Variants in CDCA7L observed in about 807,000 individuals in gnomAD.
The protein encoded by CDCA7L is cell division cycle-associated 7-like protein.
Under a neutral mutation model 57.4 loss-of-function variants are expected in CDCA7L, and 44 were observed. The observed-to-expected ratio is 0.77, with a 90% CI of 0.60 to 0.98. The LOEUF is 0.98. Ranked by LOEUF, CDCA7L falls within the 50% of genes least tolerant of loss-of-function variation. The probability of loss-of-function intolerance (pLI) is 0.00; values close to 1 mark genes in which losing one functional copy is unlikely to be tolerated. For synonymous variants in CDCA7L, 236 were observed against 202.8 expected (o/e 1.16, Z -1.39); for missense variants, 644 against 580.6 (o/e 1.11, Z -1.12).
At chr7:21,934,585 T>C (rs1312517313) in intron 1 of CDCA7L, among the ~76,000 whole-genome samples, 1 of 152,164 alleles carries the variant, frequency 6.6e-6, no homozygotes, top group Non-Finnish European at 1.5e-5. Context: ...GTAATTACTT[T>C]AAATTTAAAT....
In CDCA7L at chr7:21,902,064, T is replaced by C. The variant is rs1164943827; in HGVS notation, c.*258A>G. Reference sequence around the variant, plus strand: ...CCCACCCCATTTAAACTGTGCTTTTTAATAACTGGCAGATATTTTTAACAA... The same window carrying C: ...CCCACCCCATTTAAACTGTGCTTTTCAATAACTGGCAGATATTTTTAACAA... On this transcript the variant is annotated 3_prime_UTR_variant, in exon 10 of 10. Coordinates refer to ENST00000406877, the MANE Select transcript of CDCA7L (RefSeq NM_018719.5). 5 of 490,496 alleles carry C rather than the reference T, an allele frequency of 1.0e-5. No individual in the cohort carries two copies. The highest frequency in any genetic ancestry group is 1.8e-5 in the Non-Finnish European group (5 of 272,840). The allele number at this position is 490,496 out of a possible 1,614,324, so 30.4% of individuals were successfully genotyped here.
At chr7:21,908,584 G>T in intron 3 of CDCA7L, 77 bp from the exon 4 acceptor site, 1 of 1,357,752 alleles carries the variant, frequency 7.4e-7, no homozygotes, top group Non-Finnish European at 9.7e-7. Flanking sequence ...TAAAACAACT[G>T]ACAGCATTAT....
At chr7:21,903,200 G>A (rs1784997347) in intron 8 of CDCA7L, 86 bp from the exon 9 acceptor site, 1 of 1,338,852 alleles carries the variant, frequency 7.5e-7, no homozygotes, top group Admixed American at 2.0e-5. Context: ...TGGCTCAGCT[G>A]GCCTCTCCTC....
chr7:21,933,964 T>C (rs571529067), intron 1 of CDCA7L, among the ~76,000 whole-genome samples: 3 of 147,146 alleles, frequency 2.0e-5, no homozygotes, highest in Non-Finnish European at 4.5e-5. Flanking sequence ...CCTTCAAAAA[T>C]GAGATAAAAA....
chr7:21,935,303 G>C (rs1397345339), intron 1 of CDCA7L, among the ~76,000 whole-genome samples: 2 of 152,078 alleles, frequency 1.3e-5, no homozygotes, highest in Non-Finnish European at 2.9e-5. Flanking sequence ...GGTCAAAGAA[G>C]ACATCACAAG....
intron 1 of CDCA7L, among the ~76,000 whole-genome samples, chr7:21,935,603 A>AC (rs1786137344): frequency 6.6e-6 from 1 of 151,988 alleles, no homozygotes; most frequent in Non-Finnish European, 1.5e-5. Context: ...TCTTTGAAAA[A>AC]AAAAATCAAC....
chr7:21,928,752 G>GA (rs1562633202), intron 1 of CDCA7L, among the ~76,000 whole-genome samples: 2 of 151,472 alleles, frequency 1.3e-5, no homozygotes. Flanking sequence ...GAAGATTAGA[G>GA]AAAAAAAGAG....
At chr7:21,916,919 G>T (rs1208389218) in intron 1 of CDCA7L, 25 bp from the exon 2 acceptor site, 6 of 1,613,390 alleles carry the variant, frequency 3.7e-6, no homozygotes, top group Non-Finnish European at 4.2e-6. Context: ...AAAGAGGCAG[G>T]ATTAAACCAG....
Position 21,903,724 on chromosome 7 carries a change from G to C in CDCA7L, c.1197+386C>G, listed in dbSNP as rs528759154. 3.7e-5 allele frequency: 6 copies of C among 161,286 alleles called. No homozygotes were observed. The South Asian group carries it at 1.1e-3, about 29-fold the overall frequency. The allele number at this position is 161,286 out of a possible 1,614,324, so 10.0% of individuals were successfully genotyped here. A position where few individuals can be genotyped will look rare whatever the true frequency, so the allele number is the denominator to read the frequency against. On this transcript the variant is annotated intron_variant, in intron 8 of 9. Transcript: ENST00000406877. ...AACAGAGTGAGCGACAGCTTGCACA[G>C]TGCCAGGCACACAGAGAGCACTCTA...
At chr7:21,925,256 AAC>A (rs1178785940) in intron 1 of CDCA7L, among the ~76,000 whole-genome samples, 2 of 152,306 alleles carry the variant, frequency 1.3e-5, no homozygotes, top group Admixed American at 1.3e-4. Flanking sequence ...AGAGGCTAAA[AAC>A]ACTTTAAAAG....
chr7:21,901,394 G>GAAAGTCAGAA lies in CDCA7L; in HGVS notation c.*918_*927dup. ...CTTTTTTCAACGCTATCCTTAGAGTGAAAGTCAGAAAAAAATACTAGAAAC... is the reference window on the plus strand; with the variant it reads ...CTTTTTTCAACGCTATCCTTAGAGTGAAAGTCAGAAAAAGTCAGAAAAAAATACTAGAAAC... On this transcript the variant is annotated 3_prime_UTR_variant, in exon 10 of 10. Transcript: ENST00000406877. 1 of 1,208,798 alleles carries GAAAGTCAGAA rather than the reference G, an allele frequency of 8.3e-7. No homozygotes were observed. Among genetic ancestry groups the GAAAGTCAGAA allele is most frequent in the Non-Finnish European group, 1.1e-6 (1 of 931,732 alleles). 74.9% of individuals were successfully genotyped at this position (1,208,798 alleles called of 1,614,324 possible).
At chr7:21,936,953 G>C (rs1202066335) in intron 1 of CDCA7L, among the ~76,000 whole-genome samples, 1 of 152,186 alleles carries the variant, frequency 6.6e-6, no homozygotes, top group East Asian at 1.9e-4. Flanking sequence ...CTAACAATTA[G>C]ACATTGCAGG....
intron 2 of CDCA7L, 97 bp downstream of exon 2, chr7:21,916,657 A>C: frequency 9.0e-7 from 1 of 1,114,596 alleles, no homozygotes; most frequent in African/African-American, 1.5e-5. Flanking sequence ...CAATGAACTG[A>C]TATCACCAAT....
At chr7:21,907,750 G>C (rs914796013) in intron 4 of CDCA7L, among the ~76,000 whole-genome samples, 3 of 152,112 alleles carry the variant, frequency 2.0e-5, no homozygotes, top group South Asian at 2.1e-4. Context: ...CCTGCTCCTT[G>C]CAACTTCTCA....
At position 21,945,840 on chromosome 7, in the gene CDCA7L, C is replaced by T; in HGVS notation, c.-36G>A. 2.5e-6 allele frequency: 4 copies of T among 1,590,194 alleles called. No homozygotes were observed. Among genetic ancestry groups the T allele is most frequent in the Non-Finnish European group, 3.4e-6 (4 of 1,170,382 alleles). Reference sequence around the variant, plus strand: ...CGGGCTCCAGTCTCCTCCCAGCACGCGGCCACGGGAGCCCGGACTCACCAC... The same window carrying T: ...CGGGCTCCAGTCTCCTCCCAGCACGTGGCCACGGGAGCCCGGACTCACCAC... On this transcript the variant is annotated 5_prime_UTR_variant, in exon 1 of 10. Coordinates refer to ENST00000406877, the MANE Select transcript of CDCA7L (RefSeq NM_018719.5).
rs375613155 is a variant in CDCA7L at position 21,906,654 on chromosome 7, A to G, written c.682-15T>C. ...AACTGGGCAAGCTGAAGTTCAGAAC[A>G]AAAGAAAGAATCTTACAAAAATAGG... is the stretch of plus-strand genomic sequence containing the variant. On this transcript the variant is annotated splice_polypyrimidine_tract_variant and intron_variant, in intron 4 of 9. Transcript: ENST00000406877. 4.3e-6 allele frequency: 7 copies of G among 1,613,238 alleles called. No individual in the cohort carries two copies. The African/African-American group carries it at 9.3e-5, about 22-fold the overall frequency.
intron 1 of CDCA7L, among the ~76,000 whole-genome samples, chr7:21,929,718 A>G (rs1785947643): frequency 6.6e-6 from 1 of 151,932 alleles, no homozygotes; most frequent in Admixed American, 6.6e-5. Context: ...ATCAAAACAG[A>G]CAAAGAAGGG....
rs747171868 is a variant in CDCA7L, at chr7:21,900,994, G to GT, written c.*1327dup. The GT allele has an allele frequency of 2.5e-6, 4 of 1,573,092 alleles. No homozygotes were observed. The highest frequency in any genetic ancestry group is 3.4e-6 in the Non-Finnish European group (4 of 1,160,128). ...GCTGCCACACAATTGCAACCGCTGT[G>GT]TTTTTGCCATAGGCGCCCGCTGGGA... On this transcript the variant is annotated 3_prime_UTR_variant, in exon 10 of 10. Transcript: ENST00000406877.
chr7:21,916,167 T>C (rs12700327), intron 2 of CDCA7L, among the ~76,000 whole-genome samples: 56,478 of 151,992 alleles, frequency 0.37, 11,505 homozygotes, highest in East Asian at 0.65. Context: ...GTGCCACAAT[T>C]AACTCAGAAG....
Sources: allele counts gnomAD v4.1 joint callset (sites outside exome capture counted in the v4.1 genomes callset), GRCh38; gene constraint gnomAD v4.1.1; transcripts MANE v1.5; gene names NCBI Gene and HGNC (gene_info 2026-07-23, HGNC 2026-07-21).